Variants in PDE6A observed in about 807,000 individuals in gnomAD.
The protein encoded by PDE6A is phosphodiesterase 6A, also known as rod cGMP-specific 3',5'-cyclic phosphodiesterase subunit alpha.
Under a neutral mutation model 106.3 loss-of-function variants are expected in PDE6A, and 84 were observed. The ratio of observed to expected loss-of-function variants is 0.79; its 90% CI spans 0.66 to 0.95. The LOEUF (loss-of-function observed/expected upper bound fraction) is 0.95, where lower values mean the gene tolerates loss of function less well. Ranked by LOEUF, PDE6A falls within the 40% of genes least tolerant of loss-of-function variation. The probability of loss-of-function intolerance (pLI) is 0.00; values close to 1 mark genes in which losing one functional copy is unlikely to be tolerated. For synonymous variants in PDE6A, 394 were observed against 386.6 expected (o/e 1.02, Z -0.23); for missense variants, 1,052 against 1,084.9 (o/e 0.97, Z 0.43).
At chr5:149,931,963 A>G in intron 3 of PDE6A, 2 of 1,219,092 alleles carry the variant, frequency 1.6e-6, no homozygotes, top group Non-Finnish European at 2.4e-6. Flanking sequence ...CAAATCTTTT[A>G]TATTTCCAGC....
At chr5:149,897,708 G>A (rs555467472) in intron 10 of PDE6A, among the ~76,000 whole-genome samples, 1 of 152,086 alleles carries the variant, frequency 6.6e-6, no homozygotes, top group Non-Finnish European at 1.5e-5. Context: ...AGCCTCCCGA[G>A]TAGCTGGGAC....
intron 5 of PDE6A, among the ~76,000 whole-genome samples, chr5:149,917,205 T>C (rs868515822): frequency 2.0e-5 from 3 of 152,142 alleles, no homozygotes; most frequent in African/African-American, 7.2e-5. Context: ...AATCAAAACA[T>C]ACTGGAGGCG....
chr5:149,895,781 G>C (rs112926454), intron 12 of PDE6A, among the ~76,000 whole-genome samples: 250 of 152,176 alleles, frequency 1.6e-3, no homozygotes, highest in African/African-American at 5.8e-3. Flanking sequence ...GTGTGTGAGA[G>C]AGAGAGAGAA....
intron 20 of PDE6A, among the ~76,000 whole-genome samples, chr5:149,865,342 C>T (rs1237827072): frequency 6.7e-6 from 1 of 148,688 alleles, no homozygotes; most frequent in Non-Finnish European, 1.5e-5. Flanking sequence ...CCTGGGAGGT[C>T]AAGGCTGCTG....
chr5:149,939,360 T>A (rs1754269010), intron 1 of PDE6A, among the ~76,000 whole-genome samples: 1 of 152,090 alleles, frequency 6.6e-6, no homozygotes, highest in Admixed American at 6.6e-5. Context: ...GAATCCTCAA[T>A]CCCTTAACAC....
intron 6 of PDE6A, among the ~76,000 whole-genome samples, chr5:149,913,520 TG>T (rs1314282928): frequency 6.6e-6 from 1 of 152,084 alleles, no homozygotes; most frequent in East Asian, 1.9e-4. Context: ...CCTGAGAACT[TG>T]TTTATCTGGG....
chr5:149,868,152 C>G lies in PDE6A; in HGVS notation c.2142G>C (p.Met714Ile). 6 of 1,614,192 alleles carry G rather than the reference C, an allele frequency of 3.7e-6. No homozygotes were observed. Among genetic ancestry groups the G allele is most frequent in the Middle Eastern group, 1.6e-4 (1 of 6,062 alleles). The change falls in exon 18 of 22, where the codon ATG (methionine) becomes ATC (isoleucine). Residue 714 changes from methionine to isoleucine, a missense_variant. Physicochemically the swap from Met to Ile is conservative, Grantham distance 10. Around this residue, in one of 3 missense-constraint regions of PDE6A, gnomAD observed 913 missense variants for 915.2 expected, o/e 1.00. Transcript: ENST00000255266. The part of the protein sequence containing the change: ...EQTRKEIVMA[M>I]MMTACDLSAI... Reference sequence around the variant, plus strand: ...CTGAGAGATCACAGGCGGTCATCATCATGGCCCTGGGCACACAGGACACCC... The same window carrying G: ...CTGAGAGATCACAGGCGGTCATCATGATGGCCCTGGGCACACAGGACACCC...
chr5:149,878,523 G>C (rs1402634822), intron 17 of PDE6A, among the ~76,000 whole-genome samples: 1 of 152,256 alleles, frequency 6.6e-6, no homozygotes, highest in South Asian at 2.1e-4. Context: ...AATATCTGGA[G>C]GGGAAATCCT....
chr5:149,865,215 G>C (rs934063026), intron 20 of PDE6A, among the ~76,000 whole-genome samples: 5 of 149,560 alleles, frequency 3.3e-5, no homozygotes, highest in Non-Finnish European at 7.4e-5. Flanking sequence ...ACTCCAACCT[G>C]GGTGACAGAG....
chr5:149,914,437 C>T (rs1413613961), intron 6 of PDE6A, among the ~76,000 whole-genome samples: 1 of 152,124 alleles, frequency 6.6e-6, no homozygotes, highest in Non-Finnish European at 1.5e-5. Flanking sequence ...CTATAGGAGG[C>T]CCTTGTTTTG....
At chr5:149,875,986 GTATA>G (rs1323279328) in intron 17 of PDE6A, among the ~76,000 whole-genome samples, 2 of 152,012 alleles carry the variant, frequency 1.3e-5, no homozygotes, top group Non-Finnish European at 2.9e-5. Context: ...ATGTGTTTCT[GTATA>G]TATATGTGTG....
chr5:149,884,268 A>ATGTATATATGTGTATATATG (rs755750373), intron 16 of PDE6A, among the ~76,000 whole-genome samples: 3 of 143,966 alleles, frequency 2.1e-5, no homozygotes, highest in Non-Finnish European at 4.5e-5. Flanking sequence ...GTGTATATAT[A>ATGTATATATGTGTATATATG]TGTATATATG....
intron 6 of PDE6A, among the ~76,000 whole-genome samples, chr5:149,911,277 C>A (rs1581193759): frequency 2.0e-5 from 3 of 152,302 alleles, no homozygotes; most frequent in Non-Finnish European, 4.4e-5. Flanking sequence ...GTTTACTTCT[C>A]AGTCATTTTT....
intron 13 of PDE6A, among the ~76,000 whole-genome samples, chr5:149,888,403 T>A (rs1752397481): frequency 6.6e-6 from 1 of 150,870 alleles, no homozygotes; most frequent in South Asian, 2.1e-4. Context: ...GGTTAAGAAT[T>A]CTAATTAATA....
At chr5:149,892,610 C>T (rs895746984) in intron 13 of PDE6A, among the ~76,000 whole-genome samples, 1 of 151,658 alleles carries the variant, frequency 6.6e-6, no homozygotes, top group Admixed American at 6.6e-5. Context: ...TCCTGCCTTA[C>T]TCCCTGAGTA....
chr5:149,910,189 A>G (rs1488161750), intron 6 of PDE6A, among the ~76,000 whole-genome samples: 2 of 119,016 alleles, frequency 1.7e-5, no homozygotes, highest in African/African-American at 6.9e-5. Flanking sequence ...GCTCTTTGGT[A>G]TGTCTATTTT....
At chr5:149,933,876 A>C in intron 3 of PDE6A, 54 bp downstream of exon 3, 2 of 1,318,780 alleles carry the variant, frequency 1.5e-6, no homozygotes, top group South Asian at 2.4e-5. Context: ...TGACCACATC[A>C]ATGCTTCAGG....
At chr5:149,891,856 A>T (rs964092465) in intron 13 of PDE6A, among the ~76,000 whole-genome samples, 4 of 152,132 alleles carry the variant, frequency 2.6e-5, no homozygotes, top group Non-Finnish European at 4.4e-5. Context: ...TTCTAGCAAG[A>T]CAATAAAAAT....
chr5:149,932,472 T>G (rs1754065307), intron 3 of PDE6A: 1 of 1,404,972 alleles, frequency 7.1e-7, no homozygotes, highest in South Asian at 1.2e-5. Flanking sequence ...AAATGAAACA[T>G]CCTCATTATT....
Sources: gnomAD v4.1 joint callset for allele counts (sites outside exome capture counted in the v4.1 genomes callset) on GRCh38, gnomAD v4.1.1 for gene constraint, gnomAD v4.1.1 regional missense constraint, MANE v1.5 for transcripts, NCBI Gene and HGNC (gene_info 2026-07-23, HGNC 2026-07-21) for gene names.